AMOTL1: variants seen among roughly 807,000 people sequenced by gnomAD.
The protein encoded by AMOTL1 is angiomotin like 1, also known as angiomotin-like protein 1.
In AMOTL1, 45 loss-of-function variants were observed where a neutral mutation model predicts 102.9. The ratio of observed to expected loss-of-function variants is 0.44; its 90% CI spans 0.34 to 0.56. AMOTL1 has a LOEUF of 0.56. AMOTL1 is among the 20% of genes least tolerant of loss of function. The pLI is 0.01. For synonymous variants in AMOTL1, 481 were observed against 484.7 expected, an observed-to-expected ratio of 0.99 and a Z score of 0.10; for missense variants, 1,114 against 1,225.6, an observed-to-expected ratio of 0.91 and a Z score of 1.36.
chr11:94,855,966 C>T (rs1952653520), intron 8 of AMOTL1, among the ~76,000 whole-genome samples: 1 of 152,178 alleles, frequency 6.6e-6, no homozygotes, highest in African/African-American at 2.4e-5. Flanking sequence ...GGCAGACCCC[C>T]AGCTGTGTAT....
rs563667971 is a variant in AMOTL1 at position 94,852,521 on chromosome 11, A to T, written c.1795-1412A>T. Reference sequence around the variant, plus strand: ...TTGATGCCTAAGCCTGATTTTTGGCACTAGCCAGTTCTCAGAATGCTGTCA... The same window carrying T: ...TTGATGCCTAAGCCTGATTTTTGGCTCTAGCCAGTTCTCAGAATGCTGTCA... On this transcript the variant is annotated intron_variant, in intron 7 of 12. Transcript: ENST00000433060. Among the ~76,000 whole-genome samples the T allele has an allele frequency of 1.2e-4, 18 of 152,354 alleles. No homozygotes were observed. The South Asian group carries it at 3.5e-3, about 30-fold the overall frequency.
intron 3 of AMOTL1, among the ~76,000 whole-genome samples, chr11:94,755,523 T>C (rs1159418830): frequency 6.6e-6 from 1 of 152,180 alleles, no homozygotes; most frequent in Non-Finnish European, 1.5e-5. Context: ...TATAACGATT[T>C]CTTTATAGAG....
In AMOTL1 at chr11:94,818,381, A is replaced by G. The variant is rs182272654; in HGVS notation, c.1122-3149A>G. On this transcript the variant is annotated intron_variant, in intron 3 of 12. Transcript: ENST00000433060. ...GGTGAGGAATTCACCCAATTAGTAC[A>G]GGTATTTGCAGGCACAGGCTGAGCT... 4.2e-3 allele frequency among the ~76,000 whole-genome samples: 633 copies of G among 152,348 alleles called. 12 individuals carry two copies. Among genetic ancestry groups the G allele is most frequent in the South Asian group, 0.035 (169 of 4,830 alleles).
At position 94,876,020 on chromosome 11, in the gene AMOTL1, C is replaced by G. The variant is rs551999499; in HGVS notation, c.*5225C>G. ...TTTGTCATGAAACTTTGCTTCTTCACAGAATTAGAATACTGCTCTCTCTAT... is the reference window on the plus strand; with the variant it reads ...TTTGTCATGAAACTTTGCTTCTTCAGAGAATTAGAATACTGCTCTCTCTAT... On this transcript the variant is annotated 3_prime_UTR_variant, in exon 13 of 13. Coordinates refer to ENST00000433060, the MANE Select transcript of AMOTL1 (RefSeq NM_130847.3). 1.5e-3 allele frequency: 235 copies of G among 152,702 alleles called. 2 individuals are homozygous for G. The highest frequency in any genetic ancestry group is 5.5e-3 in the African/African-American group (228 of 41,542). The allele number at this position is 152,702 out of a possible 1,614,324, so 9.5% of individuals were successfully genotyped here.
At chr11:94,815,712 T>C (rs1452136264) in intron 3 of AMOTL1, among the ~76,000 whole-genome samples, 1 of 152,076 alleles carries the variant, frequency 6.6e-6, no homozygotes, top group Non-Finnish European at 1.5e-5. Context: ...GTAACCAGTA[T>C]ATAAAAGCAT....
chr11:94,786,726 C>G (rs1405111139), intron 1 of AMOTL1, among the ~76,000 whole-genome samples: 2 of 152,126 alleles, frequency 1.3e-5, no homozygotes, highest in Admixed American at 6.5e-5. Context: ...TCTTTTTCCC[C>G]GCAACAGCTT....
chr11:94,868,973 A>G (rs758530258), intron 11 of AMOTL1, among the ~76,000 whole-genome samples: 25 of 151,958 alleles, frequency 1.6e-4, no homozygotes, highest in African/African-American at 6.0e-4. Flanking sequence ...AAACACACAA[A>G]AAAAACCTAC....
At chr11:94,830,502 G>A (rs1952048928) in intron 5 of AMOTL1, among the ~76,000 whole-genome samples, 1 of 152,220 alleles carries the variant, frequency 6.6e-6, no homozygotes, top group African/African-American at 2.4e-5. Context: ...ACGATTCATG[G>A]CTATGAGAAT....
intron 4 of AMOTL1, among the ~76,000 whole-genome samples, chr11:94,823,266 G>A (rs954377360): frequency 3.5e-4 from 53 of 152,170 alleles, no homozygotes; most frequent in Admixed American, 2.0e-3. Context: ...GAGCTCCCTG[G>A]AGTCAAGACC....
chr11:94,840,681 T>C (rs12295259), intron 6 of AMOTL1, among the ~76,000 whole-genome samples: 11,445 of 104,228 alleles, frequency 0.11, 615 homozygotes, highest in East Asian at 0.25. Context: ...TATATATATA[T>C]ACACACACAC....
intron 1 of AMOTL1, among the ~76,000 whole-genome samples, chr11:94,774,716 C>G (rs1244740814): frequency 6.6e-6 from 1 of 152,152 alleles, no homozygotes; most frequent in Non-Finnish European, 1.5e-5. Context: ...TAACACGTTT[C>G]CAAGCAATGC....
intron 3 of AMOTL1, among the ~76,000 whole-genome samples, chr11:94,810,687 T>C (rs534513460): frequency 1.6e-4 from 24 of 152,000 alleles, no homozygotes; most frequent in Non-Finnish European, 3.1e-4. Flanking sequence ...TTAGAAACTA[T>C]TTCAGGTCCC....
At chr11:94,753,950 A>T (rs58063947) in intron 3 of AMOTL1, among the ~76,000 whole-genome samples, 1 of 152,106 alleles carries the variant, frequency 6.6e-6, no homozygotes, top group Non-Finnish European at 1.5e-5. Context: ...TAACAGGAAC[A>T]TTTACAACGT....
chr11:94,864,202 G>A (rs1181679151), intron 9 of AMOTL1, among the ~76,000 whole-genome samples: 1 of 151,924 alleles, frequency 6.6e-6, no homozygotes, highest in African/African-American at 2.4e-5. Context: ...GAAAAGTGAG[G>A]TATAGGACAA....
chr11:94,839,098 C>T (rs1051564451), intron 6 of AMOTL1, among the ~76,000 whole-genome samples: 3 of 152,174 alleles, frequency 2.0e-5, no homozygotes, highest in Non-Finnish European at 2.9e-5. Flanking sequence ...GAACCAGAGC[C>T]CAGTAACCAG....
intron 3 of AMOTL1, among the ~76,000 whole-genome samples, chr11:94,801,680 T>A (rs1951481564): frequency 6.6e-6 from 1 of 152,038 alleles, no homozygotes; most frequent in Non-Finnish European, 1.5e-5. Context: ...GAAATAGAAC[T>A]GACAGGGTTT....
intron 3 of AMOTL1, among the ~76,000 whole-genome samples, chr11:94,744,928 G>A (rs1950572827): frequency 6.6e-6 from 1 of 152,178 alleles, no homozygotes; most frequent in African/African-American, 2.4e-5. Context: ...TAGCATTGAA[G>A]AAATATGGTT....
chr11:94,831,249 G>A (rs897744997), intron 5 of AMOTL1, among the ~76,000 whole-genome samples: 5 of 152,088 alleles, frequency 3.3e-5, no homozygotes, highest in East Asian at 1.9e-4. Context: ...GCATTAGATC[G>A]CATAAAGACA....
Position 94,854,143 on chromosome 11 carries a change from A to C in AMOTL1, c.1944+61A>C. ...ATATGTTCACTCAGCAAACGTATGG[A>C]TGTTCTACCATGGGCCAGATCCTGC... On this transcript the variant is annotated intron_variant, in intron 8 of 12. Coordinates refer to ENST00000433060, the MANE Select transcript of AMOTL1 (RefSeq NM_130847.3). 2.1e-6 allele frequency: 3 copies of C among 1,459,110 alleles called. No individual in the cohort carries two copies. The South Asian group carries it at 4.4e-5, about 21-fold the overall frequency. The allele number at this position is 1,459,110 out of a possible 1,614,324, so 90.4% of individuals were successfully genotyped here. A position where few individuals can be genotyped will look rare whatever the true frequency, so the allele number is the denominator to read the frequency against.
Sources: gnomAD v4.1 joint callset for allele counts (sites outside exome capture counted in the v4.1 genomes callset) on GRCh38, gnomAD v4.1.1 for gene constraint, MANE v1.5 for transcripts, NCBI Gene and HGNC (gene_info 2026-07-23, HGNC 2026-07-21) for gene names.